Variants in RBM28 observed in about 807,000 individuals in gnomAD.
RBM28 encodes the protein RNA binding motif protein 28.
In RBM28, 78 loss-of-function variants were observed where a neutral mutation model predicts 98.3. That is an observed-to-expected ratio of 0.79 (90% CI 0.66 to 0.96). RBM28 has a LOEUF of 0.96. Among genes scored for constraint, RBM28 ranks in the 40% least tolerant of loss-of-function variants. The pLI is 0.00. For synonymous variants in RBM28, 306 were observed against 330.9 expected, an observed-to-expected ratio of 0.92 and a Z score of 0.82; for missense variants, 838 against 913.0, an observed-to-expected ratio of 0.92 and a Z score of 1.06.
chr7:128,328,334 G>A (rs889248941), intron 10 of RBM28, among the ~76,000 whole-genome samples: 1 of 152,154 alleles, frequency 6.6e-6, no homozygotes, highest in East Asian at 1.9e-4. Context: ...TTTTATCATT[G>A]GAGTTTCCAG....
intron 10 of RBM28, 139 bp downstream of exon 10, chr7:128,330,680 A>G (rs1190361505): frequency 1.4e-6 from 1 of 726,974 alleles, no homozygotes; most frequent in Non-Finnish European, 2.5e-6. Flanking sequence ...CGTCCCTGGT[A>G]CTTTTATAGA....
At chr7:128,312,572 T>C (rs962358962) in intron 18 of RBM28, among the ~76,000 whole-genome samples, 2 of 151,408 alleles carry the variant, frequency 1.3e-5, no homozygotes, top group African/African-American at 4.9e-5. Context: ...AATAAATGAA[T>C]AGCATGGAAA....
intron 1 of RBM28, among the ~76,000 whole-genome samples, chr7:128,341,625 G>A (rs1796727375): frequency 1.3e-5 from 2 of 152,178 alleles, no homozygotes; most frequent in South Asian, 2.1e-4. Context: ...TTAAAAGGAA[G>A]TAAGAGATTT....
intron 14 of RBM28, 64 bp from the exon 15 acceptor site, chr7:128,318,170 G>A: frequency 2.0e-6 from 3 of 1,474,802 alleles, no homozygotes; most frequent in East Asian, 4.6e-5. Flanking sequence ...GACATGAACT[G>A]CTTTAATAGA....
rs1418652101 is a variant in RBM28 at position 128,343,794 on chromosome 7, G to A, written c.-1C>T. 3 of 1,591,630 alleles carry A rather than the reference G, an allele frequency of 1.9e-6. No homozygotes were observed. The highest frequency in any genetic ancestry group is 2.3e-5 in the South Asian group (2 of 88,462). ...CCACAAATAAGGTCAGGCCGGCCAT[G>A]AGACCGGGAAACCCAAAGCGCGTGA... On this transcript the variant is annotated 5_prime_UTR_variant, in exon 1 of 19. Coordinates refer to ENST00000223073, the MANE Select transcript of RBM28 (RefSeq NM_018077.3).
At chr7:128,314,074 T>C (rs1251756831) in intron 17 of RBM28, among the ~76,000 whole-genome samples, 2 of 152,190 alleles carry the variant, frequency 1.3e-5, no homozygotes, top group Non-Finnish European at 2.9e-5. Context: ...GCCATTCTCC[T>C]GCCTCAGCCT....
At chr7:128,336,805 G>A (rs139255341) in intron 6 of RBM28, among the ~76,000 whole-genome samples, 4,418 of 152,226 alleles carry the variant, frequency 0.029, 194 homozygotes, top group African/African-American at 0.1. Flanking sequence ...CCAGGCTGGA[G>A]TGCAGTGGGG....
chr7:128,337,749 G>A (rs1796633102), intron 5 of RBM28, among the ~76,000 whole-genome samples: 1 of 151,882 alleles, frequency 6.6e-6, no homozygotes, highest in Non-Finnish European at 1.5e-5. Context: ...GTAGAGACGG[G>A]GTTTCGCCAT....
intron 1 of RBM28, among the ~76,000 whole-genome samples, chr7:128,340,403 GC>G (rs1159473476): frequency 1.3e-5 from 2 of 152,098 alleles, no homozygotes; most frequent in Non-Finnish European, 2.9e-5. Context: ...AGCATGCTCA[GC>G]CCCCTCGCCA....
In RBM28 at chr7:128,335,927, TTCTTCATCATCA is replaced by T; in HGVS notation, c.717_728del (p.Asp239_Glu242del). 1 of 1,605,930 alleles carries T rather than the reference TTCTTCATCATCA, an allele frequency of 6.2e-7. No homozygotes were observed. The highest frequency in any genetic ancestry group is 8.5e-7 in the Non-Finnish European group (1 of 1,174,502). ...CATCTTCATCATCAAAAACCCCATC[TTCTTCATCATCA>T]TCATCGTCATCATCATCGTTTTCTT... On this transcript the variant is annotated inframe_deletion, in exon 7 of 19. Coordinates refer to ENST00000223073, the MANE Select transcript of RBM28 (RefSeq NM_018077.3).
chr7:128,311,040 AC>A, intron 18 of RBM28, 109 bp from the exon 19 acceptor site: 1 of 1,106,988 alleles, frequency 9.0e-7, no homozygotes, highest in Non-Finnish European at 1.3e-6. Context: ...GATCATATCT[AC>A]CAGAAAGGGG....
rs1796681992 is a variant in RBM28, at chr7:128,339,728, G to A, written c.182C>T (p.Ala61Val). 6.2e-7 allele frequency: 1 copy of A among 1,613,788 alleles called. No individual in the cohort carries two copies. Among genetic ancestry groups the A allele is most frequent in the Non-Finnish European group, 8.5e-7 (1 of 1,179,750 alleles). Reference protein sequence around the residue: ...TFSMLEDVQRALKEITTFEGC... With the variant: ...TFSMLEDVQRVLKEITTFEGC... ...TTCAAAGGTGGTAATCTCCTTGAGG[G>A]CCCTCTGAACATCTTCCAGCATTGA... The change falls in exon 2 of 19, where the codon GCC (alanine) becomes GTC (valine). Residue 61 changes from alanine (A) to valine (V), a missense_variant. Physicochemically the swap from Ala to Val is moderately conservative, Grantham distance 64. Coordinates refer to ENST00000223073, the MANE Select transcript of RBM28 (RefSeq NM_018077.3).
At position 128,309,274 on chromosome 7, in the gene RBM28, TTTCAGATAGAGA is replaced by T. The variant is rs1030146140; in HGVS notation, c.*1511_*1522del. On this transcript the variant is annotated 3_prime_UTR_variant, in exon 19 of 19. Transcript: ENST00000223073. ...ACATTCTAACTGGAGAGACAAACAA[TTTCAGATAGAGA>T]TTAGTGCTAGAAAGAGACAAATGAT... is the stretch of plus-strand genomic sequence containing the variant. The T allele has an allele frequency of 6.6e-6, 1 of 152,178 alleles. No homozygotes were observed. Among genetic ancestry groups the T allele is most frequent in the Admixed American group, 6.6e-5 (1 of 15,256 alleles). 9.4% of individuals were successfully genotyped at this position (152,178 alleles called of 1,614,324 possible).
In RBM28 at chr7:128,338,372, A is replaced by G. The variant is rs972937561; in HGVS notation, c.449-30T>C. On this transcript the variant is annotated intron_variant, in intron 4 of 18. Coordinates refer to ENST00000223073, the MANE Select transcript of RBM28 (RefSeq NM_018077.3). The stretch of plus-strand genomic sequence containing the variant: ...GTGCAAATGCACAAAGAAAGAAGTG[A>G]GAGGCAGCAGGAGGTAGCCAGAATA... 1.9e-6 allele frequency: 3 copies of G among 1,571,322 alleles called. No homozygotes were observed. In the African/African-American group the frequency reaches 4.0e-5, roughly 21 times the overall value.
chr7:128,338,862 A>G lies in RBM28; in HGVS notation c.373-61T>C, dbSNP rs1777542945. ...CAATCACAGCAAATTAACATAAAAC[A>G]TCAACTACTAAATTCATTAATTATG... On this transcript the variant is annotated intron_variant, in intron 3 of 18. Transcript: ENST00000223073. 11 of 1,119,758 alleles carry G rather than the reference A, an allele frequency of 9.8e-6. 1 individual carries two copies. Among genetic ancestry groups the G allele is most frequent in the Middle Eastern group, 1.9e-4 (1 of 5,148 alleles). 69.4% of individuals were successfully genotyped at this position (1,119,758 alleles called of 1,614,324 possible).
intron 1 of RBM28, 48 bp downstream of exon 1, chr7:128,343,628 C>T: frequency 7.0e-7 from 1 of 1,423,942 alleles, no homozygotes; most frequent in Non-Finnish European, 9.7e-7. Flanking sequence ...GGAAGGTGCC[C>T]TCGATCGCAG....
intron 12 of RBM28, among the ~76,000 whole-genome samples, chr7:128,324,346 C>T (rs957427799): frequency 6.6e-6 from 1 of 152,160 alleles, no homozygotes; most frequent in African/African-American, 2.4e-5. Context: ...GGCAACCAGG[C>T]AGAAAAGATA....
intron 16 of RBM28, 56 bp downstream of exon 16, chr7:128,317,603 T>C: frequency 1.5e-6 from 2 of 1,352,070 alleles, no homozygotes; most frequent in Non-Finnish European, 2.1e-6. Context: ...AAGCACAAAT[T>C]GAACAAAATA....
rs1447475826 is a variant in RBM28 at position 128,299,259 on chromosome 7, G to A, written c.*11538C>T. On this transcript the variant is annotated 3_prime_UTR_variant, in exon 19 of 19. Coordinates refer to ENST00000223073, the MANE Select transcript of RBM28 (RefSeq NM_018077.3). Reference sequence around the variant, plus strand: ...AAAGGCAAGGCAAGGCAGGGAAGCAGGCTTAGGATTGGCTAATCTGTATAA... The same window carrying A: ...AAAGGCAAGGCAAGGCAGGGAAGCAAGCTTAGGATTGGCTAATCTGTATAA... 4 of 152,252 alleles carry A rather than the reference G, an allele frequency of 2.6e-5. No homozygotes were observed. The highest frequency in any genetic ancestry group is 9.7e-5 in the African/African-American group (4 of 41,446). 9.4% of individuals were successfully genotyped at this position (152,252 alleles called of 1,614,324 possible). A position where few individuals can be genotyped will look rare whatever the true frequency, so the allele number is the denominator to read the frequency against.
Sources: allele counts gnomAD v4.1 joint callset (sites outside exome capture counted in the v4.1 genomes callset), GRCh38; gene constraint gnomAD v4.1.1; transcripts MANE v1.5; gene names NCBI Gene and HGNC (gene_info 2026-07-23, HGNC 2026-07-21).